THSD7B: variants seen among roughly 807,000 people sequenced by gnomAD.
THSD7B encodes the protein thrombospondin type 1 domain containing 7B, also known as thrombospondin type-1 domain-containing protein 7B.
THSD7B carries 138 observed loss-of-function variants against 213.6 expected under a neutral mutation model. That is an observed-to-expected ratio of 0.65 (90% CI 0.56 to 0.74). The LOEUF is 0.74. THSD7B is among the 30% of genes least tolerant of loss of function. The pLI, the probability that THSD7B is intolerant of heterozygous loss-of-function variation, is 0.00. For synonymous variants in THSD7B, 742 were observed against 687.0 expected (o/e 1.08, Z -1.25); for missense variants, 1,931 against 1,991.5 (o/e 0.97, Z 0.58).
chr2:136,827,396 A>G (rs1206145347), intron 1 of THSD7B, among the ~76,000 whole-genome samples: 2 of 152,232 alleles, frequency 1.3e-5, no homozygotes, highest in Non-Finnish European at 2.9e-5. Flanking sequence ...GGTCTTAAGC[A>G]TCAAGGAGAA....
intron 7 of THSD7B, among the ~76,000 whole-genome samples, chr2:137,208,687 G>A (rs974626972): frequency 6.6e-6 from 1 of 152,018 alleles, no homozygotes; most frequent in Non-Finnish European, 1.5e-5. Flanking sequence ...AATGGGGAAT[G>A]TTGACTGGTT....
intron 4 of THSD7B, among the ~76,000 whole-genome samples, chr2:137,098,596 G>A (rs958718146): frequency 6.6e-6 from 1 of 152,060 alleles, no homozygotes; most frequent in Non-Finnish European, 1.5e-5. Flanking sequence ...GATTTGAGGA[G>A]GTAGGAAAAT....
intron 1 of THSD7B, among the ~76,000 whole-genome samples, chr2:136,825,921 T>C (rs1682640483): frequency 6.6e-6 from 1 of 152,002 alleles, no homozygotes; most frequent in South Asian, 2.1e-4. Flanking sequence ...ATGAAAATAA[T>C]CTCTCCATCT....
intron 1 of THSD7B, among the ~76,000 whole-genome samples, chr2:136,800,923 C>T (rs758286744): frequency 6.6e-6 from 1 of 152,000 alleles, no homozygotes; most frequent in African/African-American, 2.4e-5. Context: ...AATGAGCTTA[C>T]CAAGTAAACT....
At chr2:137,524,697 G>A (rs1680247761) in intron 15 of THSD7B, among the ~76,000 whole-genome samples, 1 of 152,144 alleles carries the variant, frequency 6.6e-6, no homozygotes, top group South Asian at 2.1e-4. Context: ...ATGTGCACTG[G>A]TCTGAGTCTT....
chr2:136,951,696 G>A (rs577943666), intron 2 of THSD7B, among the ~76,000 whole-genome samples: 1 of 152,118 alleles, frequency 6.6e-6, no homozygotes, highest in Non-Finnish European at 1.5e-5. Context: ...ATTTTGATGG[G>A]CTTTTTAATT....
intron 1 of THSD7B, among the ~76,000 whole-genome samples, chr2:136,781,176 T>A (rs1681735108): frequency 6.6e-6 from 1 of 152,014 alleles, no homozygotes; most frequent in Non-Finnish European, 1.5e-5. Context: ...AGTGGGGTGG[T>A]GGGGCGTTGT....
At chr2:137,567,851 A>T (rs990745511) in intron 16 of THSD7B, among the ~76,000 whole-genome samples, 1 of 152,208 alleles carries the variant, frequency 6.6e-6, no homozygotes, top group Non-Finnish European at 1.5e-5. Context: ...TTCAGAGGAA[A>T]GATTTAGAAT....
chr2:137,549,647 A>G (rs1409095066), intron 15 of THSD7B, among the ~76,000 whole-genome samples: 1 of 152,066 alleles, frequency 6.6e-6, no homozygotes, highest in East Asian at 1.9e-4. Flanking sequence ...CTAATCTTGC[A>G]TAACTGAAGT....
chr2:136,927,724 GGACT>G (rs1684564060), intron 2 of THSD7B, among the ~76,000 whole-genome samples: 1 of 152,168 alleles, frequency 6.6e-6, no homozygotes, highest in Non-Finnish European at 1.5e-5. Flanking sequence ...TAGATAGTGA[GGACT>G]GACTGATGAC....
Position 137,656,975 on chromosome 2 carries a change from A to G in THSD7B, c.4279+6A>G, listed in dbSNP as rs1215982240. The G allele has an allele frequency of 1.9e-6, 3 of 1,613,588 alleles. No homozygotes were observed. Among genetic ancestry groups the G allele is most frequent in the Non-Finnish European group, 2.5e-6 (3 of 1,179,708 alleles). Reference sequence around the variant, plus strand: ...AGAAACACGCCCTTGTACAGGTACCAAGAGCACTTTTCAGTTCTTTAGCCT... The same window carrying G: ...AGAAACACGCCCTTGTACAGGTACCGAGAGCACTTTTCAGTTCTTTAGCCT... On this transcript the variant is annotated splice_donor_region_variant and intron_variant, in intron 23 of 27. Coordinates refer to ENST00000409968, the MANE Select transcript of THSD7B (RefSeq NM_001316349.2).
At chr2:137,554,019 A>G (rs1358345766) in intron 15 of THSD7B, among the ~76,000 whole-genome samples, 1 of 124,094 alleles carries the variant, frequency 8.1e-6, no homozygotes. Flanking sequence ...TTCTTAAAAG[A>G]TAGCTACTTT....
At chr2:137,651,206 GT>G (rs550548410) in intron 21 of THSD7B, among the ~76,000 whole-genome samples, 1 of 151,464 alleles carries the variant, frequency 6.6e-6, no homozygotes, top group Non-Finnish European at 1.5e-5. Context: ...CAGAGTCTGG[GT>G]TTTTTTTCAT....
chr2:137,001,142 T>A (rs1685990997), intron 2 of THSD7B, among the ~76,000 whole-genome samples: 1 of 152,136 alleles, frequency 6.6e-6, no homozygotes, highest in Non-Finnish European at 1.5e-5. Context: ...TTCTTTTTAA[T>A]GCTATAGATT....
chr2:136,784,592 A>G (rs1681805719), intron 1 of THSD7B, among the ~76,000 whole-genome samples: 1 of 152,250 alleles, frequency 6.6e-6, no homozygotes. Context: ...AATGAAATTC[A>G]ATTTTAATAA....
chr2:136,811,298 C>T (rs562498079), intron 1 of THSD7B, among the ~76,000 whole-genome samples: 1 of 152,132 alleles, frequency 6.6e-6, no homozygotes, highest in Non-Finnish European at 1.5e-5. Context: ...TAGGGAGTAG[C>T]ATTTTTCTCA....
chr2:137,570,319 A>G (rs1681327929), intron 16 of THSD7B, among the ~76,000 whole-genome samples: 1 of 150,974 alleles, frequency 6.6e-6, no homozygotes, highest in Admixed American at 6.6e-5. Flanking sequence ...TATTATTATT[A>G]TTATTTTGAG....
At chr2:136,880,963 C>T (rs77422049) in intron 1 of THSD7B, among the ~76,000 whole-genome samples, 4,460 of 152,246 alleles carry the variant, frequency 0.029, 101 homozygotes, top group South Asian at 0.071. Context: ...TGGCTCCCAA[C>T]CTATGTTTTA....
chr2:137,321,081 G>T (rs1344515604), intron 12 of THSD7B, among the ~76,000 whole-genome samples: 1 of 152,168 alleles, frequency 6.6e-6, no homozygotes, highest in Admixed American at 6.5e-5. Flanking sequence ...AGTGAGATTA[G>T]TTATATAAAG....
Sources: gnomAD v4.1 joint callset for allele counts (sites outside exome capture counted in the v4.1 genomes callset) on GRCh38, gnomAD v4.1.1 for gene constraint, MANE v1.5 for transcripts, NCBI Gene and HGNC (gene_info 2026-07-23, HGNC 2026-07-21) for gene names.